Variants in TMEM132B observed in about 807,000 individuals in gnomAD.
TMEM132B encodes transmembrane protein 132B.
A neutral mutation model predicts 90.8 loss-of-function variants in TMEM132B; 18 were observed. The observed-to-expected ratio is 0.20, with a 90% CI of 0.14 to 0.29. The LOEUF is 0.29. Ranked by LOEUF, TMEM132B falls within the 10% of genes least tolerant of loss-of-function variation. The pLI, the probability that TMEM132B is intolerant of heterozygous loss-of-function variation, is 1.00. For synonymous variants in TMEM132B, 504 were observed against 523.3 expected (o/e 0.96, Z 0.50); for missense variants, 1,096 against 1,326.8 (o/e 0.83, Z 2.70).
chr12:125,641,451 T>C (rs1016642444), intron 5 of TMEM132B, among the ~76,000 whole-genome samples: 1 of 152,220 alleles, frequency 6.6e-6, no homozygotes, highest in African/African-American at 2.4e-5. Flanking sequence ...CCTCAAGTCT[T>C]AGTACTCAGT....
chr12:125,418,043 T>C (rs1025559262), intron 3 of TMEM132B, among the ~76,000 whole-genome samples: 1 of 152,190 alleles, frequency 6.6e-6, no homozygotes, highest in Non-Finnish European at 1.5e-5. Context: ...CCTCCTGCTG[T>C]TGTGCTACAG....
chr12:125,655,847 C>G lies in TMEM132B; in HGVS notation c.*1137C>G, dbSNP rs560868292. ...GTTCAAGTTAGCAATATATAGAAAT[C>G]CATCCATACAATGACCAAAATAAAT... On this transcript the variant is annotated 3_prime_UTR_variant, in exon 9 of 9. Coordinates refer to ENST00000682704, the MANE Select transcript of TMEM132B (RefSeq NM_001366854.1). The G allele has an allele frequency of 2.0e-5, 3 of 151,608 alleles. No homozygotes were observed. Among genetic ancestry groups the G allele is most frequent in the African/African-American group, 7.3e-5 (3 of 41,262 alleles). 9.4% of individuals were successfully genotyped at this position (151,608 alleles called of 1,614,324 possible).
intron 2 of TMEM132B, among the ~76,000 whole-genome samples, chr12:125,382,661 T>C (rs550266714): frequency 1.1e-4 from 16 of 152,304 alleles, no homozygotes; most frequent in African/African-American, 3.8e-4. Flanking sequence ...AGTGTAAAAG[T>C]CTGTGAAAGA....
At chr12:125,489,405 A>T (rs11058201) in intron 3 of TMEM132B, among the ~76,000 whole-genome samples, 72,560 of 151,602 alleles carry the variant, frequency 0.48, 17,614 homozygotes, top group Middle Eastern at 0.62. Context: ...AGTTTTTTTT[A>T]AAAATTTACT....
intron 3 of TMEM132B, among the ~76,000 whole-genome samples, chr12:125,483,908 G>A (rs932003963): frequency 1.3e-5 from 2 of 152,196 alleles, no homozygotes; most frequent in African/African-American, 4.8e-5. Context: ...GGTTGATCGG[G>A]TCCAATCAGG....
At chr12:125,439,797 T>C (rs1315053245) in intron 3 of TMEM132B, among the ~76,000 whole-genome samples, 1 of 152,222 alleles carries the variant, frequency 6.6e-6, no homozygotes, top group East Asian at 1.9e-4. Context: ...TGATGTTGGC[T>C]ATGGGTTTGT....
chr12:125,570,350 G>A (rs1884761884), intron 4 of TMEM132B, among the ~76,000 whole-genome samples: 1 of 152,186 alleles, frequency 6.6e-6, no homozygotes, highest in Non-Finnish European at 1.5e-5. Flanking sequence ...TTCCCTGTGA[G>A]TGACCCTCAA....
intron 3 of TMEM132B, among the ~76,000 whole-genome samples, chr12:125,468,747 T>G (rs577736052): frequency 3.4e-4 from 52 of 152,250 alleles, no homozygotes; most frequent in Non-Finnish European, 6.5e-4. Flanking sequence ...GTCTTTCCAT[T>G]TAGCCTTCTT....
intron 1 of TMEM132B, among the ~76,000 whole-genome samples, chr12:125,295,538 G>C (rs561812650): frequency 4.7e-5 from 7 of 148,942 alleles, no homozygotes; most frequent in East Asian, 1.9e-4. Flanking sequence ...GAGAGAGAGA[G>C]AGAGACAGAG....
intron 3 of TMEM132B, among the ~76,000 whole-genome samples, chr12:125,436,834 T>C (rs1880720918): frequency 6.6e-6 from 1 of 152,166 alleles, no homozygotes; most frequent in Non-Finnish European, 1.5e-5. Context: ...GGCTGAACTA[T>C]TTATAGTCAA....
intron 1 of TMEM132B, among the ~76,000 whole-genome samples, chr12:125,299,637 T>C (rs1824186025): frequency 6.6e-6 from 1 of 152,224 alleles, no homozygotes; most frequent in African/African-American, 2.4e-5. Context: ...TTGCTCCAAG[T>C]GTGTAGACCC....
intron 1 of TMEM132B, among the ~76,000 whole-genome samples, chr12:125,276,506 A>G (rs1005103196): frequency 1.3e-5 from 2 of 152,224 alleles, no homozygotes; most frequent in Non-Finnish European, 2.9e-5. Flanking sequence ...GCCATGGGCT[A>G]TGCTTGATTT....
At chr12:125,276,984 G>A (rs1389247879) in intron 1 of TMEM132B, among the ~76,000 whole-genome samples, 1 of 152,226 alleles carries the variant, frequency 6.6e-6, no homozygotes, top group Non-Finnish European at 1.5e-5. Context: ...TTTTAACGTA[G>A]AGGTTGCGAG....
At chr12:125,311,072 T>C (rs1876111848) in intron 1 of TMEM132B, among the ~76,000 whole-genome samples, 1 of 152,224 alleles carries the variant, frequency 6.6e-6, no homozygotes, top group South Asian at 2.1e-4. Flanking sequence ...GCTGATACAC[T>C]GTTCACATCT....
intron 1 of TMEM132B, among the ~76,000 whole-genome samples, chr12:125,241,716 C>T (rs909356664): frequency 7.2e-5 from 11 of 152,320 alleles, no homozygotes; most frequent in East Asian, 1.9e-4. Context: ...TGAGAAAATA[C>T]GTTTCTGCTG....
chr12:125,189,402 C>T (rs1451797650), intron 1 of TMEM132B, among the ~76,000 whole-genome samples: 2 of 152,208 alleles, frequency 1.3e-5, no homozygotes, highest in African/African-American at 2.4e-5. Context: ...GCACCCCCAC[C>T]TGCCCCACGA....
At chr12:125,588,909 A>C (rs1344045591) in intron 5 of TMEM132B, among the ~76,000 whole-genome samples, 1 of 152,200 alleles carries the variant, frequency 6.6e-6, no homozygotes, top group Non-Finnish European at 1.5e-5. Context: ...TGTGATAAAA[A>C]GCCCAATGTG....
chr12:125,239,870 G>A (rs1309925400), intron 1 of TMEM132B, among the ~76,000 whole-genome samples: 1 of 152,254 alleles, frequency 6.6e-6, no homozygotes, highest in Non-Finnish European at 1.5e-5. Context: ...GGATGCCGCA[G>A]GCATTGGTGC....
At chr12:125,640,368 G>A (rs1358109699) in intron 5 of TMEM132B, among the ~76,000 whole-genome samples, 2 of 152,184 alleles carry the variant, frequency 1.3e-5, no homozygotes, top group Admixed American at 1.3e-4. Context: ...GTGCATAGTT[G>A]ACTGGCCAGT....
Sources: gnomAD v4.1 joint callset for allele counts (sites outside exome capture counted in the v4.1 genomes callset) on GRCh38, gnomAD v4.1.1 for gene constraint, MANE v1.5 for transcripts, NCBI Gene and HGNC (gene_info 2026-07-23, HGNC 2026-07-21) for gene names.